UNC13C: variants seen among roughly 807,000 people sequenced by gnomAD.
The protein encoded by UNC13C is unc-13 homolog C, also known as protein unc-13 homolog C.
UNC13C carries 174 observed loss-of-function variants against 245.4 expected under a neutral mutation model. That is an observed-to-expected ratio of 0.71 (90% CI 0.63 to 0.80). UNC13C has a LOEUF of 0.80. UNC13C is among the 30% of genes least tolerant of loss of function. The pLI is 0.00. For missense variants in UNC13C, 2,829 were observed against 2,602.9 expected, an observed-to-expected ratio of 1.09 and a Z score of -1.89; for synonymous variants, 992 against 895.1, an observed-to-expected ratio of 1.11 and a Z score of -1.93.
intron 19 of UNC13C, among the ~76,000 whole-genome samples, chr15:54,446,401 C>T (rs185353673): frequency 0.011 from 1,654 of 152,256 alleles, 9 homozygotes; most frequent in Non-Finnish European, 0.018. Context: ...GCCATTTTCA[C>T]GATATTGATT....
intron 8 of UNC13C, among the ~76,000 whole-genome samples, chr15:54,257,226 T>A (rs1366839436): frequency 1.3e-5 from 2 of 152,186 alleles, no homozygotes; most frequent in African/African-American, 4.8e-5. Flanking sequence ...ACTCTCTTGG[T>A]TTCTTCTCTT....
At chr15:54,095,658 C>A (rs867530870) in intron 2 of UNC13C, among the ~76,000 whole-genome samples, 2 of 152,122 alleles carry the variant, frequency 1.3e-5, no homozygotes, top group Admixed American at 1.3e-4. Context: ...GGTGCCCAGG[C>A]GATTTATATT....
intron 2 of UNC13C, among the ~76,000 whole-genome samples, chr15:54,133,748 GTA>G (rs1321760155): frequency 3.9e-5 from 6 of 152,102 alleles, no homozygotes; most frequent in Admixed American, 1.3e-4. Context: ...AAGACTGTGT[GTA>G]TATGTGTGTG....
In UNC13C at chr15:54,013,063, A is replaced by T; in HGVS notation, c.160A>T (p.Lys54Ter). The T allele has an allele frequency of 6.2e-7, 1 of 1,613,908 alleles. No individual in the cohort carries two copies. Among genetic ancestry groups the T allele is most frequent in the Non-Finnish European group, 8.5e-7 (1 of 1,179,848 alleles). ...CACTGCTGGCCAGACCAAATCCCCC[A>T]AATTTTCTTACACTTTTAAAAGCAC... ...FPTAGQTKSP[K>*]FSYTFKSTVK... The change falls in exon 2 of 33, where the codon AAA becomes TAA. Residue 54 changes from lysine to a stop codon, truncating the protein, a stop_gained. Transcript: ENST00000260323. LOFTEE classifies it high-confidence loss of function.
At chr15:54,185,630 ATCTCTGTTTTTGTACCAGTACCATG>A (rs2033953077) in intron 4 of UNC13C, among the ~76,000 whole-genome samples, 1 of 140,498 alleles carries the variant, frequency 7.1e-6, no homozygotes, top group African/African-American at 2.9e-5. Context: ...ATTGATCTAT[ATCTCTGTTTTTGTACCAGTACCATG>A]CTGTTTTGGT....
At chr15:53,952,584 C>G in the UNC13C span, among the ~76,000 whole-genome samples, 3 of 152,204 alleles carry the variant, frequency 2.0e-5, no homozygotes, top group African/African-American at 7.2e-5. Flanking sequence ...TGACTTCTTT[C>G]TGGCTGCCAA....
chr15:54,340,341 G>C (rs973275552), intron 17 of UNC13C, among the ~76,000 whole-genome samples: 3 of 152,058 alleles, frequency 2.0e-5, no homozygotes, highest in African/African-American at 7.2e-5. Context: ...TTAGGTTCTT[G>C]GTCATGAAGA....
At chr15:53,895,946 G>A in the UNC13C span, among the ~76,000 whole-genome samples, 1 of 149,534 alleles carries the variant, frequency 6.7e-6, no homozygotes, top group African/African-American at 2.5e-5. Context: ...ACTTAGTCCA[G>A]TATATTTTAA....
intron 30 of UNC13C, among the ~76,000 whole-genome samples, chr15:54,593,638 G>T (rs945413421): frequency 6.6e-6 from 1 of 152,006 alleles, no homozygotes; most frequent in Non-Finnish European, 1.5e-5. Flanking sequence ...ACTTTTCAGG[G>T]CATTTCATGC....
chr15:54,210,788 G>A (rs1250157900), intron 4 of UNC13C, among the ~76,000 whole-genome samples: 1 of 152,152 alleles, frequency 6.6e-6, no homozygotes, highest in African/African-American at 2.4e-5. Flanking sequence ...AAAGCAGACA[G>A]CATTGGCTTC....
At chr15:54,501,797 A>G (rs1419364179) in intron 22 of UNC13C, among the ~76,000 whole-genome samples, 1 of 152,168 alleles carries the variant, frequency 6.6e-6, no homozygotes, top group African/African-American at 2.4e-5. Flanking sequence ...CGGAGAAGTT[A>G]GAAAAGTATT....
chr15:54,116,880 A>G (rs1050105350), intron 2 of UNC13C, among the ~76,000 whole-genome samples: 3 of 152,108 alleles, frequency 2.0e-5, no homozygotes, highest in African/African-American at 7.2e-5. Flanking sequence ...ACTAATTCAC[A>G]TTCTTACCAG....
intron 8 of UNC13C, among the ~76,000 whole-genome samples, chr15:54,263,139 T>G (rs1368167297): frequency 1.3e-5 from 2 of 152,284 alleles, no homozygotes; most frequent in Non-Finnish European, 2.9e-5. Flanking sequence ...TTAGGCAAAC[T>G]TACAGTCATG....
the UNC13C span, among the ~76,000 whole-genome samples, chr15:53,878,470 G>A: frequency 6.6e-6 from 1 of 152,124 alleles, no homozygotes; most frequent in Non-Finnish European, 1.5e-5. Flanking sequence ...ATTTTGTGAT[G>A]CGATGTTCTG....
rs904766189 is a variant in UNC13C at position 54,574,368 on chromosome 15, A to G, written c.6106+6421A>G. Among the ~76,000 whole-genome samples, 8 of 152,194 alleles carry G rather than the reference A, an allele frequency of 5.3e-5. 1 individual carries two copies. The highest frequency in any genetic ancestry group is 2.0e-4 in the Admixed American group (3 of 15,264). On this transcript the variant is annotated intron_variant, in intron 30 of 32. Coordinates refer to ENST00000260323, the MANE Select transcript of UNC13C (RefSeq NM_001080534.3). ...ACTTACAGTTTTAGAAGCTGGTAGAAAATTCATTTCTTGCATCTTGATTAC... is the reference window on the plus strand; with the variant it reads ...ACTTACAGTTTTAGAAGCTGGTAGAGAATTCATTTCTTGCATCTTGATTAC...
intron 4 of UNC13C, among the ~76,000 whole-genome samples, chr15:54,164,215 T>C (rs1271781142): frequency 6.6e-6 from 1 of 152,214 alleles, no homozygotes; most frequent in Non-Finnish European, 1.5e-5. Context: ...AATTTATGTG[T>C]CGTTTAATTT....
chr15:53,874,931 T>G, the UNC13C span, among the ~76,000 whole-genome samples: 2,065 of 152,076 alleles, frequency 0.014, 47 homozygotes, highest in East Asian at 0.1. Context: ...CCATCTCTAC[T>G]AAAAATACAA....
intron 2 of UNC13C, chr15:54,050,458 G>A (rs1215778923): frequency 1.8e-6 from 1 of 552,202 alleles, no homozygotes; most frequent in East Asian, 4.8e-5. Context: ...AGCTAAAGTT[G>A]ATCTAAGCAT....
intron 30 of UNC13C, among the ~76,000 whole-genome samples, chr15:54,621,979 A>AAAG (rs1371572177): frequency 6.6e-6 from 1 of 152,170 alleles, no homozygotes; most frequent in African/African-American, 2.4e-5. Context: ...AAAAGCTCTT[A>AAAG]AAGTAATAAA....
Sources: allele counts gnomAD v4.1 joint callset (sites outside exome capture counted in the v4.1 genomes callset), GRCh38; gene constraint gnomAD v4.1.1; transcripts MANE v1.5; gene names NCBI Gene and HGNC (gene_info 2026-07-23, HGNC 2026-07-21).